The following XPO1 variants were observed in gnomAD, a reference collection of about 807,000 sequenced individuals.
XPO1 encodes exportin-1.
Under a neutral mutation model 133.3 loss-of-function variants are expected in XPO1, and 5 were observed. The observed-to-expected ratio is 0.04, with a 90% CI of 0.02 to 0.08. XPO1 has a LOEUF of 0.08. Among genes scored for constraint, XPO1 ranks in the 10% least tolerant of loss-of-function variants. XPO1 has a pLI of 1.00. For missense variants in XPO1, 506 were observed against 1,267.5 expected (o/e 0.40, Z 9.12); for synonymous variants, 419 against 408.2 (o/e 1.03, Z -0.32).
In XPO1 at chr2:61,482,939, A is replaced by G; in HGVS notation, c.2812+18T>C. On this transcript the variant is annotated intron_variant, in intron 22 of 24. Transcript: ENST00000401558. ...TGCCCAGCTGGCACTTAACATTTAA[A>G]TCGTATTAAATTCTTACCAGCAGTA... is the stretch of plus-strand genomic sequence containing the variant. 6.2e-7 allele frequency: 1 copy of G among 1,613,060 alleles called. No individual in the cohort carries two copies. The highest frequency in any genetic ancestry group is 8.5e-7 in the Non-Finnish European group (1 of 1,179,824).
intron 4 of XPO1, among the ~76,000 whole-genome samples, chr2:61,510,129 T>A (rs991596932): frequency 5.3e-5 from 8 of 151,784 alleles, no homozygotes; most frequent in Non-Finnish European, 8.8e-5. Context: ...TACAAAAAAA[T>A]AGCCAGGCAT....
chr2:61,527,497 C>CA (rs1195691606), intron 2 of XPO1, among the ~76,000 whole-genome samples: 3 of 151,392 alleles, frequency 2.0e-5, no homozygotes, highest in Non-Finnish European at 4.4e-5. Flanking sequence ...TCTAGAAAAA[C>CA]AAAAAAAAGC....
intron 20 of XPO1, 58 bp from the exon 21 acceptor site, chr2:61,484,163 G>C (rs1348429933): frequency 3.5e-5 from 51 of 1,455,596 alleles, no homozygotes; most frequent in Non-Finnish European, 4.3e-5. Context: ...TGCTAGACAG[G>C]AGGGGAAAAG....
intron 4 of XPO1, among the ~76,000 whole-genome samples, chr2:61,507,566 G>C (rs974270405): frequency 1.3e-5 from 2 of 151,470 alleles, no homozygotes; most frequent in Non-Finnish European, 2.9e-5. Context: ...GGGGATCTCT[G>C]TCTCTTTAAA....
chr2:61,526,369 TTA>T (rs772649954), intron 3 of XPO1, 49 bp downstream of exon 3: 9 of 1,576,046 alleles, frequency 5.7e-6, no homozygotes, highest in Non-Finnish European at 7.7e-6. Context: ...TCCTCAAAGT[TTA>T]TGACTGGAAG....
chr2:61,482,982 A>G lies in XPO1; in HGVS notation c.2787T>C (p.Val929=). ...CAGCAGTATGTGAAGTGTCTGTCAC[A>G]ACAGAAAAGATATGCTGGAGAATAT... ...FCDILQHIFS[V]VTDTSHTAGL... Residue 929 remains valine, a synonymous_variant, in exon 22 of 25, where the codon GTT becomes GTC. Coordinates refer to ENST00000401558, the MANE Select transcript of XPO1 (RefSeq NM_003400.4). 1 of 1,613,580 alleles carries G rather than the reference A, an allele frequency of 6.2e-7. No individual in the cohort carries two copies. Among genetic ancestry groups the G allele is most frequent in the Non-Finnish European group, 8.5e-7 (1 of 1,179,934 alleles).
chr2:61,505,699 C>G (rs1697772377), intron 4 of XPO1, among the ~76,000 whole-genome samples: 1 of 152,104 alleles, frequency 6.6e-6, no homozygotes. Context: ...GCTGAGATTA[C>G]AGACGTGAGC....
chr2:61,482,612 GT>G (rs11360652), intron 22 of XPO1, 73 bp from the exon 23 acceptor site: 523,376 of 1,013,744 alleles, frequency 0.52, 85,703 homozygotes, highest in African/African-American at 0.73. Flanking sequence ...TTTTTGTTTT[GT>G]TTTTTTTTTT....
rs763001288 is a variant in XPO1, at chr2:61,498,782, T to G, written c.650A>C (p.Gln217Pro). 4 of 1,613,792 alleles carry G rather than the reference T, an allele frequency of 2.5e-6. No individual in the cohort carries two copies. The highest frequency in any genetic ancestry group is 2.2e-5 in the South Asian group (2 of 90,904). ...GGTTGCATGTACAAGTGGAGCATTT[T>G]GAGAATTTTCCTATAACAAAACACA... Reference protein sequence around the residue: ...QLCQFVMENSQNAPLVHATLE... With the variant: ...QLCQFVMENSPNAPLVHATLE... Residue 217 changes from glutamine (Q) to proline (P), a missense_variant, in exon 9 of 25, where the codon CAA becomes CCA. Gln to Pro is a moderately conservative substitution (Grantham distance 76, BLOSUM62 -1). Around this residue, in one of 6 missense-constraint regions of XPO1, gnomAD observed 134 missense variants for 261.6 expected, o/e 0.51. Transcript: ENST00000401558.
chr2:61,483,155 G>T (rs1696484546), intron 21 of XPO1, 64 bp from the exon 22 acceptor site: 2 of 1,522,650 alleles, frequency 1.3e-6, no homozygotes, highest in Non-Finnish European at 8.8e-7. Flanking sequence ...ATAGTATTTA[G>T]CTCTTATCAA....
intron 2 of XPO1, among the ~76,000 whole-genome samples, chr2:61,528,240 T>C (rs908303197): frequency 1.3e-5 from 2 of 152,112 alleles, no homozygotes. Context: ...GCTTTCATCA[T>C]GAACTTAGTG....
intron 23 of XPO1, 122 bp from the exon 24 acceptor site, chr2:61,481,403 G>T: frequency 2.0e-6 from 1 of 491,992 alleles, no homozygotes; most frequent in Non-Finnish European, 3.4e-6. Context: ...CTGCCTCCCG[G>T]GTTCAAGACA....
At chr2:61,521,402 T>C (rs1379671636) in intron 4 of XPO1, among the ~76,000 whole-genome samples, 6 of 152,170 alleles carry the variant, frequency 3.9e-5, no homozygotes, top group African/African-American at 1.2e-4. Context: ...AGAAGTATCA[T>C]GTGCCCCATA....
chr2:61,507,110 G>C (rs1697860747), intron 4 of XPO1, among the ~76,000 whole-genome samples: 3 of 151,964 alleles, frequency 2.0e-5, no homozygotes, highest in Admixed American at 1.3e-4. Context: ...GCTGGGCGTG[G>C]TGGCATGCGC....
chr2:61,517,297 C>T (rs1045551961), intron 4 of XPO1, among the ~76,000 whole-genome samples: 7 of 152,172 alleles, frequency 4.6e-5, no homozygotes, highest in Non-Finnish European at 1.5e-5. Flanking sequence ...TTTAAGACTT[C>T]AGTGATGGCT....
chr2:61,486,459 C>T (rs1467259786), intron 19 of XPO1, among the ~76,000 whole-genome samples: 2 of 94,170 alleles, frequency 2.1e-5, no homozygotes, highest in African/African-American at 7.2e-5. Context: ...GCCCTCAATA[C>T]TGTCTTTTTA....
At chr2:61,507,824 G>C (rs949177091) in intron 4 of XPO1, among the ~76,000 whole-genome samples, 2 of 152,156 alleles carry the variant, frequency 1.3e-5, no homozygotes, top group African/African-American at 2.4e-5. Flanking sequence ...AAAGAGAAGA[G>C]AAAGATGCAT....
intron 10 of XPO1, among the ~76,000 whole-genome samples, chr2:61,496,055 T>C (rs771219648): frequency 9.2e-5 from 14 of 152,164 alleles, no homozygotes; most frequent in Non-Finnish European, 1.9e-4. Flanking sequence ...AGTATACCTA[T>C]TCTTATATCT....
rs111326887 is a variant in XPO1, at chr2:61,533,221, T to C, written c.126+551A>G. ...CAGGTAAAAAATCAAGTTTTTTTTC[T>C]TGTGACATATACAATTTAAAATTGT... is the stretch of plus-strand genomic sequence containing the variant. On this transcript the variant is annotated intron_variant, in intron 2 of 24. Coordinates refer to ENST00000401558, the MANE Select transcript of XPO1 (RefSeq NM_003400.4). Among the ~76,000 whole-genome samples the C allele has an allele frequency of 4.6e-3, 695 of 152,326 alleles. 2 individuals are homozygous for C. Among genetic ancestry groups the C allele is most frequent in the Non-Finnish European group, 7.4e-3 (501 of 68,026 alleles).
Sources: allele counts gnomAD v4.1 joint callset (sites outside exome capture counted in the v4.1 genomes callset), GRCh38; gene constraint gnomAD v4.1.1; regional missense constraint gnomAD v4.1.1; transcripts MANE v1.5; gene names NCBI Gene and HGNC (gene_info 2026-07-23, HGNC 2026-07-21).